The following PPIP5K1 variants were observed in gnomAD, a reference collection of about 807,000 sequenced individuals.
PPIP5K1 encodes the protein diphosphoinositol pentakisphosphate kinase 1.
Under a neutral mutation model 27.7 loss-of-function variants are expected in PPIP5K1, and 6 were observed. That is an observed-to-expected ratio of 0.22 (90% CI 0.12 to 0.43). The LOEUF (loss-of-function observed/expected upper bound fraction) is 0.43, where lower values mean the gene tolerates loss of function less well. PPIP5K1 is among the 20% of genes least tolerant of loss of function. The pLI, the probability that PPIP5K1 is intolerant of heterozygous loss-of-function variation, is 1.00. For synonymous variants in PPIP5K1, 145 were observed against 242.6 expected, an observed-to-expected ratio of 0.60 and a Z score of 3.74; for missense variants, 394 against 635.4, an observed-to-expected ratio of 0.62 and a Z score of 4.08.
chr15:43,586,738 T>C (rs1367795979), intron 1 of PPIP5K1, among the ~76,000 whole-genome samples: 1 of 99,420 alleles, frequency 1.0e-5, no homozygotes, highest in Non-Finnish European at 2.2e-5. Flanking sequence ...ATAATAATAA[T>C]AATAATAATA....
At chr15:43,542,647 A>T (rs991156289) in intron 30 of PPIP5K1, among the ~76,000 whole-genome samples, 8 of 121,360 alleles carry the variant, frequency 6.6e-5, no homozygotes, top group Non-Finnish European at 8.6e-5. Flanking sequence ...ATATATATTC[A>T]GTGTGTGTGT....
At chr15:43,548,203 A>T (rs1269758768) in intron 30 of PPIP5K1, among the ~76,000 whole-genome samples, 1 of 151,224 alleles carries the variant, frequency 6.6e-6, no homozygotes, top group East Asian at 1.9e-4. Flanking sequence ...GGTTCAAGCA[A>T]TTCTCCTGCC....
At chr15:43,545,986 T>A (rs947831038) in intron 30 of PPIP5K1, among the ~76,000 whole-genome samples, 4 of 152,154 alleles carry the variant, frequency 2.6e-5, no homozygotes, top group African/African-American at 9.6e-5. Flanking sequence ...CTTTACTTTC[T>A]TAATAAACTT....
At chr15:43,539,753 A>G (rs144446291) in intron 30 of PPIP5K1, among the ~76,000 whole-genome samples, 170 bp from the exon 31 acceptor site, 3 of 152,326 alleles carry the variant, frequency 2.0e-5, no homozygotes, top group South Asian at 2.1e-4. Flanking sequence ...TTTAAACGTT[A>G]TATTATGAAC....
chr15:43,549,056 A>ATAT (rs1201875217), intron 30 of PPIP5K1, among the ~76,000 whole-genome samples: 1 of 54,290 alleles, frequency 1.8e-5, no homozygotes, highest in Non-Finnish European at 2.8e-5. Flanking sequence ...AAAAAAAAAA[A>ATAT]ATATATATAT....
At chr15:43,550,345 T>C (rs2082040080) in intron 30 of PPIP5K1, among the ~76,000 whole-genome samples, 1 of 152,026 alleles carries the variant, frequency 6.6e-6, no homozygotes, top group African/African-American at 2.4e-5. Flanking sequence ...AGTGTCTCCC[T>C]ATGTTGTCCA....
intron 30 of PPIP5K1, among the ~76,000 whole-genome samples, chr15:43,552,528 T>TAAAAAAAAAAA (rs535937209): frequency 1.3e-4 from 9 of 69,110 alleles, no homozygotes; most frequent in Non-Finnish European, 2.0e-4. Flanking sequence ...TCTGTCTCTA[T>TAAAAAAAAAAA]AAAAAAAAAA....
intron 31 of PPIP5K1, chr15:43,537,367 A>C (rs1482898831): frequency 5.4e-6 from 2 of 370,680 alleles, no homozygotes; most frequent in Non-Finnish European, 1.0e-5. Flanking sequence ...AAAAAAAAAA[A>C]AAAAAGAATC....
chr15:43,540,749 A>C (rs972997392), intron 30 of PPIP5K1, among the ~76,000 whole-genome samples: 1 of 150,702 alleles, frequency 6.6e-6, no homozygotes, highest in Non-Finnish European at 1.5e-5. Context: ...AATCCCAGCT[A>C]TTTGGGAGGC....
chr15:43,542,053 C>T (rs1296396953), intron 30 of PPIP5K1, among the ~76,000 whole-genome samples: 1 of 152,214 alleles, frequency 6.6e-6, no homozygotes, highest in Non-Finnish European at 1.5e-5. Context: ...CATTGTGAAG[C>T]TTTCCCCTTC....
rs1196422915 is a variant in PPIP5K1 at position 43,556,504 on chromosome 15, G to GCACT, written c.3556+2287_3556+2290dup. ...ATTCAAAAATTAGCCGGGCATGGTG[G>GCACT]CACTCCAGCCTGGGTGACAGAATGA... is the stretch of plus-strand genomic sequence containing the variant. On this transcript the variant is annotated intron_variant, in intron 30 of 31. Coordinates refer to ENST00000420765, the MANE Select transcript of PPIP5K1 (RefSeq NM_001394395.1). 2.0e-5 allele frequency among the ~76,000 whole-genome samples: 3 copies of GCACT among 148,102 alleles called. No individual in the cohort carries two copies. In the East Asian group the frequency reaches 5.9e-4, roughly 29 times the overall value.
intron 30 of PPIP5K1, among the ~76,000 whole-genome samples, chr15:43,540,350 G>T (rs370670691): frequency 1.3e-5 from 2 of 151,826 alleles, no homozygotes; most frequent in South Asian, 4.2e-4. Flanking sequence ...GATCACTTGA[G>T]GCCAGAAGCT....
intron 29 of PPIP5K1, among the ~76,000 whole-genome samples, 200 bp downstream of exon 29, chr15:43,560,211 AAT>A (rs1430958891): frequency 6.6e-6 from 1 of 151,806 alleles, no homozygotes; most frequent in Non-Finnish European, 1.5e-5. Context: ...GAGAAAGGAG[AAT>A]AGGAAGGGGA....
chr15:43,539,613 G>A (rs1376497472), intron 30 of PPIP5K1, 30 bp from the exon 31 acceptor site: 22 of 1,400,890 alleles, frequency 1.6e-5, no homozygotes, highest in Admixed American at 1.4e-4. Flanking sequence ...AAGGGAGAGG[G>A]AAGAAAAAAA....
At chr15:43,539,199 CA>C (rs11385296) in intron 31 of PPIP5K1, among the ~76,000 whole-genome samples, 42 of 140,422 alleles carry the variant, frequency 3.0e-4, no homozygotes, top group South Asian at 4.5e-4. Flanking sequence ...CTCTGTCTCT[CA>C]AAAAAAAAAA....
rs778629227 is a variant in PPIP5K1 at position 43,558,948 on chromosome 15, T to C, written c.3419-16A>G. The C allele has an allele frequency of 6.2e-7, 1 of 1,612,264 alleles. No individual in the cohort carries two copies. The highest frequency in any genetic ancestry group is 8.5e-7 in the Non-Finnish European group (1 of 1,179,866). ...CCTTCAAACCCTGTTTGAAAAGAGA[T>C]GGGCAAAGTCAATGTTACTCCTGCC... On this transcript the variant is annotated splice_polypyrimidine_tract_variant and intron_variant, in intron 29 of 31. Transcript: ENST00000420765.
chr15:43,551,060 T>C (rs772112325), intron 30 of PPIP5K1, among the ~76,000 whole-genome samples: 6 of 152,246 alleles, frequency 3.9e-5, no homozygotes, highest in Admixed American at 6.5e-5. Flanking sequence ...TCTTCTCCTA[T>C]GGTGTCATCT....
chr15:43,543,488 T>TA (rs1305257300), intron 30 of PPIP5K1, among the ~76,000 whole-genome samples: 3 of 151,696 alleles, frequency 2.0e-5, no homozygotes, highest in African/African-American at 7.3e-5. Context: ...TACAAAGCTT[T>TA]AAAAAAACCC....
At chr15:43,554,019 T>C (rs555201752) in intron 30 of PPIP5K1, among the ~76,000 whole-genome samples, 99 of 152,310 alleles carry the variant, frequency 6.5e-4, no homozygotes, top group African/African-American at 2.3e-3. Context: ...CAGTGGCTCA[T>C]GCCTGCAACA....
Sources: gnomAD v4.1 joint callset for allele counts (sites outside exome capture counted in the v4.1 genomes callset) on GRCh38, gnomAD v4.1.1 for gene constraint, MANE v1.5 for transcripts, NCBI Gene and HGNC (gene_info 2026-07-23, HGNC 2026-07-21) for gene names.